FGF12: variants seen among roughly 807,000 people sequenced by gnomAD.
The protein encoded by FGF12 is fibroblast growth factor 12B.
A neutral mutation model predicts 23.6 loss-of-function variants in FGF12; 14 were observed. The ratio of observed to expected loss-of-function variants is 0.59; its 90% CI spans 0.39 to 0.93. The LOEUF is 0.93. FGF12 is among the 40% of genes least tolerant of loss of function. The pLI is 0.00. For missense variants in FGF12, 175 were observed against 217.8 expected (o/e 0.80, Z 1.24); for synonymous variants, 62 against 77.3 (o/e 0.80, Z 1.04).
chr3:192,332,589 TCTC>T (rs1717179227), intron 4 of FGF12, among the ~76,000 whole-genome samples: 1 of 152,104 alleles, frequency 6.6e-6, no homozygotes, highest in African/African-American at 2.4e-5. Flanking sequence ...TTTGACACTC[TCTC>T]CTCCTGCTTC....
In FGF12 at chr3:192,408,642, C is replaced by T. The variant is rs1364059501; in HGVS notation, c.14-48104G>A. Reference sequence around the variant, plus strand: ...ACAAGACGTGCCTCTGTTGGAGAGGCGCAAGCGTTGTAAGGTGTCCAAAGT... The same window carrying T: ...ACAAGACGTGCCTCTGTTGGAGAGGTGCAAGCGTTGTAAGGTGTCCAAAGT... On this transcript the variant is annotated intron_variant, in intron 2 of 5. Transcript: ENST00000445105. This position sits in a 1 kb window ranked among gnomAD's most constrained non-coding sequence, Gnocchi z 7.3. 1.9e-6 allele frequency: 2 copies of T among 1,036,756 alleles called. No individual in the cohort carries two copies. The highest frequency in any genetic ancestry group is 8.9e-5 in the East Asian group (1 of 11,244). The allele number at this position is 1,036,756 out of a possible 1,614,324, so 64.2% of individuals were successfully genotyped here. A position where few individuals can be genotyped will look rare whatever the true frequency, so the allele number is the denominator to read the frequency against.
chr3:192,541,608 C>G (rs1325332821), intron 2 of FGF12, among the ~76,000 whole-genome samples: 2 of 152,070 alleles, frequency 1.3e-5, no homozygotes, highest in Non-Finnish European at 2.9e-5. Flanking sequence ...TGTATACTTA[C>G]TATTACCAGT....
chr3:192,308,399 C>G (rs933097585), intron 4 of FGF12, among the ~76,000 whole-genome samples: 7 of 152,090 alleles, frequency 4.6e-5, no homozygotes, highest in African/African-American at 1.7e-4. Context: ...TCAAAGAGGC[C>G]AGGCACAGTG....
chr3:192,309,066 T>C (rs1344333160), intron 4 of FGF12, among the ~76,000 whole-genome samples: 1 of 152,216 alleles, frequency 6.6e-6, no homozygotes, highest in East Asian at 1.9e-4. Flanking sequence ...CAATGTATCA[T>C]GCAGGAGCAA....
At chr3:192,242,323 T>C (rs1238821480) in intron 4 of FGF12, among the ~76,000 whole-genome samples, 1 of 152,194 alleles carries the variant, frequency 6.6e-6, no homozygotes, top group Non-Finnish European at 1.5e-5. Flanking sequence ...CTGTTCATTA[T>C]GGGATGAGCA....
chr3:192,329,241 G>A (rs910526615), intron 4 of FGF12, among the ~76,000 whole-genome samples: 1 of 152,152 alleles, frequency 6.6e-6, no homozygotes, highest in African/African-American at 2.4e-5. Context: ...TCTCATAGAG[G>A]ATGGACAATG....
intron 4 of FGF12, among the ~76,000 whole-genome samples, chr3:192,251,702 T>C (rs77767349): frequency 0.019 from 2,887 of 152,102 alleles, 74 homozygotes; most frequent in African/African-American, 0.055. Flanking sequence ...TGAAAAAGAT[T>C]AGATATTTTT....
chr3:192,497,811 T>C (rs1724007860), intron 2 of FGF12, among the ~76,000 whole-genome samples: 1 of 152,208 alleles, frequency 6.6e-6, no homozygotes, highest in Non-Finnish European at 1.5e-5. Context: ...AATGGGTTTA[T>C]TCTCTTTATA....
intron 2 of FGF12, among the ~76,000 whole-genome samples, chr3:192,389,390 T>C (rs950692884): frequency 3.9e-5 from 6 of 152,144 alleles, no homozygotes; most frequent in African/African-American, 1.4e-4. Flanking sequence ...TTCCGCAATC[T>C]TCCCCTGAGG....
intron 4 of FGF12, among the ~76,000 whole-genome samples, chr3:192,289,439 G>C (rs910455996): frequency 4.6e-5 from 7 of 152,042 alleles, no homozygotes; most frequent in Admixed American, 4.6e-4. Context: ...AGGAAGGTAA[G>C]AATAAAACGA....
At chr3:192,617,878 C>T (rs1003980154) in intron 2 of FGF12, among the ~76,000 whole-genome samples, 1 of 152,066 alleles carries the variant, frequency 6.6e-6, no homozygotes, top group Admixed American at 6.6e-5. Context: ...TGGAAATACC[C>T]TCCACACACA....
At chr3:192,205,777 G>A (rs923135704) in intron 4 of FGF12, among the ~76,000 whole-genome samples, 14 of 152,188 alleles carry the variant, frequency 9.2e-5, no homozygotes, top group Non-Finnish European at 1.6e-4. Context: ...CATAGAGGAG[G>A]CCTTGAAGTG....
intron 2 of FGF12, among the ~76,000 whole-genome samples, chr3:192,368,120 A>G (rs747267464): frequency 2.0e-5 from 3 of 152,122 alleles, no homozygotes; most frequent in Admixed American, 6.6e-5. Context: ...AAAAAAAAAC[A>G]GAGCAGAAAA....
chr3:192,230,255 T>C (rs1054385868), intron 4 of FGF12, among the ~76,000 whole-genome samples: 4 of 152,200 alleles, frequency 2.6e-5, no homozygotes, highest in East Asian at 1.9e-4. Context: ...AATTATGTGA[T>C]GTGAAACTTC....
intron 2 of FGF12, among the ~76,000 whole-genome samples, chr3:192,525,549 T>C (rs142316008): frequency 3.2e-4 from 48 of 152,300 alleles, no homozygotes; most frequent in African/African-American, 1.2e-3. Flanking sequence ...CTACAACATA[T>C]TTACAAAAAT....
chr3:192,331,940 A>G (rs1351622289), intron 4 of FGF12, among the ~76,000 whole-genome samples: 5 of 152,118 alleles, frequency 3.3e-5, no homozygotes, highest in African/African-American at 7.2e-5. Flanking sequence ...AAAGGAAGAC[A>G]TTTTCATGGA....
At chr3:192,369,318 C>A (rs558400262) in intron 2 of FGF12, among the ~76,000 whole-genome samples, 1 of 152,182 alleles carries the variant, frequency 6.6e-6, no homozygotes, top group Admixed American at 6.5e-5. Context: ...GCCTCTAATG[C>A]GTTTCTTCCA....
intron 4 of FGF12, among the ~76,000 whole-genome samples, chr3:192,315,744 T>C (rs1469122994): frequency 1.3e-5 from 2 of 151,348 alleles, no homozygotes; most frequent in Non-Finnish European, 2.9e-5. Context: ...GGAGATCTTT[T>C]GGAAATCAGG....
rs535629114 is a variant in FGF12 at position 192,291,544 on chromosome 3, A to G, written c.228+43817T>C. Among the ~76,000 whole-genome samples, 6 of 152,182 alleles carry G rather than the reference A, an allele frequency of 3.9e-5. No homozygotes were observed. The South Asian group carries it at 1.0e-3, about 26-fold the overall frequency. ...GTTGCAGTGAGCCAAGGTTGCACCA[A>G]TGCATTCCTGCCAGGGCAAAAGAAC... On this transcript the variant is annotated intron_variant, in intron 4 of 5. Transcript: ENST00000445105.
Sources: gnomAD v4.1 joint callset for allele counts (sites outside exome capture counted in the v4.1 genomes callset) on GRCh38, gnomAD v4.1.1 for gene constraint, Gnocchi (gnomAD v3.1) non-coding constraint, MANE v1.5 for transcripts, NCBI Gene and HGNC (gene_info 2026-07-23, HGNC 2026-07-21) for gene names.